Variants in CNR1 observed in about 807,000 individuals in gnomAD.
CNR1 encodes the protein cannabinoid receptor 1, also known as cannabinoid receptor 1 (brain).
A neutral mutation model predicts 23.0 loss-of-function variants in CNR1; 10 were observed. That is an observed-to-expected ratio of 0.43 (90% CI 0.27 to 0.74). The LOEUF (loss-of-function observed/expected upper bound fraction) is 0.74. CNR1 is among the 30% of genes least tolerant of loss of function. CNR1 has a pLI of 0.19. For missense variants in CNR1, 422 were observed against 618.8 expected (o/e 0.68, Z 3.37); for synonymous variants, 271 against 255.2 (o/e 1.06, Z -0.59).
At chr6:88,156,601 G>C (rs1777813472) in intron 1 of CNR1, among the ~76,000 whole-genome samples, 1 of 152,232 alleles carries the variant, frequency 6.6e-6, no homozygotes, top group Non-Finnish European at 1.5e-5. Flanking sequence ...TCCCAGGAGA[G>C]GTGATGGGCA....
chr6:88,166,791 C>T (rs1317142315), upstream of CNR1, among the ~76,000 whole-genome samples: 2 of 97,448 alleles, frequency 2.1e-5, no homozygotes, highest in Non-Finnish European at 4.9e-5. Context: ...GCGGGCTGAG[C>T]CGGAAGGGGA....
chr6:88,143,975 T>C lies in CNR1; in HGVS notation c.1300A>G (p.Lys434Glu). The C allele has an allele frequency of 1.9e-6, 3 of 1,614,106 alleles. No individual in the cohort carries two copies. The East Asian group carries it at 6.7e-5, about 36-fold the overall frequency. The change falls in exon 2 of 2, where the codon AAA becomes GAA. Residue 434 changes from lysine to glutamate, a missense_variant. Physicochemically the swap from Lys to Glu is moderately conservative, Grantham distance 56. Coordinates refer to ENST00000369501, the MANE Select transcript of CNR1 (RefSeq NM_016083.6). ...ACACTGGCTGCATTGTTTGCGTGTT[T>C]GTGCAGGCAGTCCGAGTCCCCCATG... ...NSMGDSDCLH[K>E]HANNAASVHR...
rs1402515300 is a variant in CNR1, at chr6:88,145,150, C to T, written c.125G>A (p.Gly42Glu). Residue 42 changes from glycine (G) to glutamate (E), a missense_variant, in exon 2 of 2, where the codon GGG becomes GAG. Physicochemically the swap from Gly to Glu is moderately conservative, Grantham distance 98. Around this residue, in one of 4 missense-constraint regions of CNR1, gnomAD observed 120 missense variants for 117.6 expected, o/e 1.02. Coordinates refer to ENST00000369501, the MANE Select transcript of CNR1 (RefSeq NM_016083.6). Reference protein sequence around the residue: ...DIKGDMASKLGYFPQKFPLTS... With the variant: ...DIKGDMASKLEYFPQKFPLTS... The stretch of plus-strand genomic sequence containing the variant: ...TAAAGGGAATTTCTGTGGGAAGTAC[C>T]CTAATTTGGATGCCATGTCACCTTT... 1 of 1,613,946 alleles carries T rather than the reference C, an allele frequency of 6.2e-7. No homozygotes were observed. Among genetic ancestry groups the T allele is most frequent in the Non-Finnish European group, 8.5e-7 (1 of 1,180,012 alleles).
intron 1 of CNR1, among the ~76,000 whole-genome samples, chr6:88,149,149 G>A (rs1484311973): frequency 6.6e-6 from 1 of 152,102 alleles, no homozygotes; most frequent in African/African-American, 2.4e-5. Flanking sequence ...GTGTCTCAGG[G>A]GCAAAGGCTA....
rs113440353 is a variant in CNR1, at chr6:88,148,944, A to T, written c.-63-3607T>A. On this transcript the variant is annotated intron_variant, in intron 1 of 1. Transcript: ENST00000369501. ...GAATCTCCCATGGGTAACTTCTATC[A>T]TCACTAAGAAAATTGAGGGTTTTTT... Among the ~76,000 whole-genome samples the T allele has an allele frequency of 7.7e-4, 117 of 152,192 alleles. 1 individual carries two copies. The highest frequency in any genetic ancestry group is 2.6e-3 in the African/African-American group (108 of 41,454).
chr6:88,157,842 T>C (rs1378443206), intron 1 of CNR1, among the ~76,000 whole-genome samples: 1 of 152,182 alleles, frequency 6.6e-6, no homozygotes, highest in South Asian at 2.1e-4. Flanking sequence ...GGGACTAAAA[T>C]GGAATATTTA....
At chr6:88,165,663 ACAG>A (rs1242077793) in intron 1 of CNR1, 137 bp downstream of exon 1, 4 of 152,630 alleles carry the variant, frequency 2.6e-5, no homozygotes, top group Admixed American at 1.3e-4. Context: ...CTGGGGCCAT[ACAG>A]CTAAGTAAAC....
intron 1 of CNR1, among the ~76,000 whole-genome samples, chr6:88,152,721 A>C (rs1224295361): frequency 6.6e-6 from 1 of 152,240 alleles, no homozygotes; most frequent in Non-Finnish European, 1.5e-5. Flanking sequence ...TCATGGCAGG[A>C]AAACTGCTCT....
chr6:88,154,234 C>A (rs559717490), intron 1 of CNR1, among the ~76,000 whole-genome samples: 1 of 152,166 alleles, frequency 6.6e-6, no homozygotes, highest in Non-Finnish European at 1.5e-5. Flanking sequence ...TTGATATGAA[C>A]TTAGGACATT....
rs78783387 is a variant in CNR1, at chr6:88,144,019, G to T, written c.1256C>A (p.Ala419Glu). 2.7e-4 allele frequency: 430 copies of T among 1,613,948 alleles called. No individual in the cohort carries two copies. The highest frequency in any genetic ancestry group is 3.1e-4 in the Non-Finnish European group (367 of 1,180,032). ...CCCCATGCTGTTATCCAGAGGCTGC[G>T]CAGTGCCTTCACAAGAGGGAAACAT... ...RSMFPSCEGT[A>E]QPLDNSMGDS... Residue 419 changes from alanine (A) to glutamate (E), a missense_variant, in exon 2 of 2, where the codon GCG (alanine) becomes GAG (glutamate). Ala to Glu is a moderately radical substitution (Grantham distance 107). This residue lies in a region of CNR1 where 79 missense variants were observed against 98.0 expected (regional missense o/e 0.81). Coordinates refer to ENST00000369501, the MANE Select transcript of CNR1 (RefSeq NM_016083.6). The surrounding 1 kb of genome is among the most constrained non-coding windows in gnomAD (Gnocchi z 7.8).
rs950015800 is a variant in CNR1 at position 88,140,545 on chromosome 6, T to C, written c.*3311A>G. ...CCAGTGCAAGACAATTAATTGTTAA[T>C]AGCCATTGCCCAGCATTTAGGAGAT... On this transcript the variant is annotated 3_prime_UTR_variant, in exon 2 of 2. Coordinates refer to ENST00000369501, the MANE Select transcript of CNR1 (RefSeq NM_016083.6). 5 of 152,804 alleles carry C rather than the reference T, an allele frequency of 3.3e-5. No homozygotes were observed. The highest frequency in any genetic ancestry group is 6.5e-5 in the Admixed American group (1 of 15,292). The allele number at this position is 152,804 out of a possible 1,614,324, so 9.5% of individuals were successfully genotyped here.
At chr6:88,148,341 CACT>C (rs892676503) in intron 1 of CNR1, among the ~76,000 whole-genome samples, 2 of 152,162 alleles carry the variant, frequency 1.3e-5, no homozygotes, top group African/African-American at 4.8e-5. Flanking sequence ...GCATCTGTTC[CACT>C]ACTTCCTCCC....
At chr6:88,150,231 T>C (rs1777444804) in intron 1 of CNR1, among the ~76,000 whole-genome samples, 1 of 152,214 alleles carries the variant, frequency 6.6e-6, no homozygotes, top group Non-Finnish European at 1.5e-5. Context: ...AACTAGTTTA[T>C]CAGAAATTTT....
chr6:88,167,320 G>C (rs975585321), upstream of CNR1, among the ~76,000 whole-genome samples: 2 of 152,200 alleles, frequency 1.3e-5, no homozygotes, highest in Non-Finnish European at 2.9e-5. Context: ...GGACATGCTC[G>C]TTAATTGTTT....
chr6:88,147,666 G>A (rs1018491866), intron 1 of CNR1: 3 of 152,206 alleles, frequency 2.0e-5, no homozygotes, highest in Admixed American at 6.5e-5. Flanking sequence ...CTGCTCACCA[G>A]GGTTAGGGCG....
intron 1 of CNR1, among the ~76,000 whole-genome samples, chr6:88,156,826 T>G (rs1470503244): frequency 6.6e-6 from 1 of 152,262 alleles, no homozygotes; most frequent in African/African-American, 2.4e-5. Context: ...GACAGTTTTT[T>G]CTGGCATAAA....
intron 1 of CNR1, among the ~76,000 whole-genome samples, chr6:88,158,856 TA>T (rs1562515451): frequency 6.6e-6 from 1 of 152,224 alleles, no homozygotes; most frequent in Non-Finnish European, 1.5e-5. Context: ...AAGATCTTTA[TA>T]ACTGAGGTAT....
At chr6:88,161,671 T>A (rs997971640) in intron 1 of CNR1, among the ~76,000 whole-genome samples, 3 of 152,228 alleles carry the variant, frequency 2.0e-5, no homozygotes, top group Non-Finnish European at 4.4e-5. Flanking sequence ...CTTTATGTCA[T>A]GACTTTGACC....
Position 88,155,704 on chromosome 6 carries a change from C to T in CNR1, c.-64+10099G>A, listed in dbSNP as rs12660746. Among the ~76,000 whole-genome samples, 129 of 152,336 alleles carry T rather than the reference C, an allele frequency of 8.5e-4. 1 individual carries two copies. The East Asian group carries it at 0.023, about 27-fold the overall frequency. On this transcript the variant is annotated intron_variant, in intron 1 of 1. Coordinates refer to ENST00000369501, the MANE Select transcript of CNR1 (RefSeq NM_016083.6). ...GCACTTGCAAGTCATCCTTGCTCCA[C>T]GGTCTTCAGCAACAAAGTATGCCAA...
Sources: gnomAD v4.1 joint callset for allele counts (sites outside exome capture counted in the v4.1 genomes callset) on GRCh38, gnomAD v4.1.1 for gene constraint, gnomAD v4.1.1 regional missense constraint, Gnocchi (gnomAD v3.1) non-coding constraint, MANE v1.5 for transcripts, NCBI Gene and HGNC (gene_info 2026-07-23, HGNC 2026-07-21) for gene names.